CTNNA3: variants seen among roughly 807,000 people sequenced by gnomAD.
CTNNA3 encodes the protein catenin alpha 3, also known as catenin alpha-3.
A neutral mutation model predicts 95.7 loss-of-function variants in CTNNA3; 76 were observed. The observed-to-expected ratio is 0.79, with a 90% CI of 0.66 to 0.96. The LOEUF is 0.96. Among genes scored for constraint, CTNNA3 ranks in the 40% least tolerant of loss-of-function variants. CTNNA3 has a pLI of 0.00. For synonymous variants in CTNNA3, 431 were observed against 374.4 expected, an observed-to-expected ratio of 1.15 and a Z score of -1.74; for missense variants, 1,191 against 1,089.8, an observed-to-expected ratio of 1.09 and a Z score of -1.31.
At chr10:66,763,195 A>G (rs965043995) in intron 9 of CTNNA3, among the ~76,000 whole-genome samples, 1 of 152,004 alleles carries the variant, frequency 6.6e-6, no homozygotes, top group African/African-American at 2.4e-5. Flanking sequence ...TTGTGTCTCA[A>G]TGTTTGTAGT....
intron 11 of CTNNA3, among the ~76,000 whole-genome samples, chr10:66,415,189 T>C (rs1216310077): frequency 6.6e-6 from 1 of 152,094 alleles, no homozygotes; most frequent in Non-Finnish European, 1.5e-5. Context: ...GGCCTGAAGA[T>C]AAGCCAGCCT....
intron 7 of CTNNA3, among the ~76,000 whole-genome samples, chr10:66,991,588 G>A (rs968153795): frequency 1.3e-5 from 2 of 152,116 alleles, no homozygotes; most frequent in Admixed American, 6.5e-5. Context: ...TTTCGCTCTT[G>A]TTGCCCAGGC....
chr10:66,919,097 T>C (rs1564766072), intron 7 of CTNNA3, among the ~76,000 whole-genome samples: 1 of 139,526 alleles, frequency 7.2e-6, no homozygotes. Context: ...ATCGTGCCAC[T>C]GAACTCCAGC....
intron 5 of CTNNA3, among the ~76,000 whole-genome samples, chr10:67,500,242 G>C (rs1309233133): frequency 1.3e-5 from 2 of 152,082 alleles, no homozygotes; most frequent in African/African-American, 2.4e-5. Context: ...TTGTGCAGTT[G>C]AGTGAATCTC....
chr10:66,721,017 T>G (rs756612208), intron 9 of CTNNA3, among the ~76,000 whole-genome samples: 1 of 152,084 alleles, frequency 6.6e-6, no homozygotes, highest in Non-Finnish European at 1.5e-5. Flanking sequence ...CACAAATATT[T>G]TTATTTAATT....
intron 7 of CTNNA3, among the ~76,000 whole-genome samples, chr10:66,954,164 T>C (rs191006322): frequency 8.5e-4 from 130 of 152,284 alleles, no homozygotes; most frequent in Non-Finnish European, 1.5e-3. Context: ...TAAAATAAAG[T>C]TTCTAGTATG....
At chr10:66,920,277 T>A (rs968885288) in intron 7 of CTNNA3, among the ~76,000 whole-genome samples, 2 of 152,194 alleles carry the variant, frequency 1.3e-5, no homozygotes, top group African/African-American at 4.8e-5. Context: ...AGTTTATAAG[T>A]CAGGTTTTAT....
At chr10:66,722,138 G>A (rs12243479) in intron 9 of CTNNA3, among the ~76,000 whole-genome samples, 14 of 152,260 alleles carry the variant, frequency 9.2e-5, no homozygotes, top group African/African-American at 3.4e-4. Flanking sequence ...CAGCACTTTG[G>A]GAGGCTGAGG....
At chr10:66,409,007 T>C (rs2093079148) in intron 11 of CTNNA3, among the ~76,000 whole-genome samples, 1 of 152,272 alleles carries the variant, frequency 6.6e-6, no homozygotes, top group Admixed American at 6.5e-5. Context: ...AGGTACAGTA[T>C]ACCAAAACAA....
intron 16 of CTNNA3, among the ~76,000 whole-genome samples, chr10:65,968,474 ACT>A (rs756987873): frequency 1.3e-5 from 2 of 152,020 alleles, no homozygotes; most frequent in African/African-American, 4.8e-5. Flanking sequence ...GTGCATCAGG[ACT>A]CTCTTTGCTC....
At chr10:67,736,349 G>C (rs995691515) in intron 1 of CTNNA3, among the ~76,000 whole-genome samples, 4 of 152,030 alleles carry the variant, frequency 2.6e-5, no homozygotes, top group African/African-American at 9.7e-5. Flanking sequence ...GAAATGGGTA[G>C]TGGTGATGGT....
chr10:66,100,547 C>G (rs1048433662), intron 14 of CTNNA3, among the ~76,000 whole-genome samples: 1 of 152,090 alleles, frequency 6.6e-6, no homozygotes, highest in Admixed American at 6.6e-5. Flanking sequence ...AGCGGCATTC[C>G]GAATGAACTG....
At chr10:66,190,461 T>C (rs1419324475) in intron 13 of CTNNA3, among the ~76,000 whole-genome samples, 1 of 152,162 alleles carries the variant, frequency 6.6e-6, no homozygotes, top group Non-Finnish European at 1.5e-5. Flanking sequence ...GCCATTGACA[T>C]CAGTCTGGAA....
At chr10:66,057,726 T>C (rs1386702553) in intron 15 of CTNNA3, among the ~76,000 whole-genome samples, 1 of 152,142 alleles carries the variant, frequency 6.6e-6, no homozygotes, top group Admixed American at 6.6e-5. Context: ...AAGTAAGCCA[T>C]CATTCTGGAG....
intron 1 of CTNNA3, among the ~76,000 whole-genome samples, chr10:67,727,916 TTA>T (rs1841249968): frequency 9.0e-6 from 1 of 111,196 alleles, no homozygotes; most frequent in Non-Finnish European, 1.7e-5. Flanking sequence ...ATTATGTATA[TTA>T]TATATTACAT....
intron 6 of CTNNA3, among the ~76,000 whole-genome samples, chr10:67,200,747 G>C (rs1475294774): frequency 6.6e-6 from 1 of 152,094 alleles, no homozygotes; most frequent in African/African-American, 2.4e-5. Flanking sequence ...AGACAGTCAC[G>C]CATGCACTTT....
chr10:66,542,802 G>A (rs540083373), intron 10 of CTNNA3, among the ~76,000 whole-genome samples: 39 of 151,586 alleles, frequency 2.6e-4, no homozygotes, highest in African/African-American at 8.7e-4. Context: ...ATGAGTTAAT[G>A]GGTGCAGCAC....
At chr10:66,116,663 A>G (rs2082353259) in intron 13 of CTNNA3, among the ~76,000 whole-genome samples, 1 of 152,200 alleles carries the variant, frequency 6.6e-6, no homozygotes, top group South Asian at 2.1e-4. Context: ...TCACACTGCT[A>G]TGAAGAACTA....
chr10:67,727,666 A>G (rs1042886313), intron 1 of CTNNA3, among the ~76,000 whole-genome samples: 13 of 128,004 alleles, frequency 1.0e-4, no homozygotes, highest in Admixed American at 5.5e-4. Context: ...TATGATATAT[A>G]ATATAATATA....
Sources: allele counts gnomAD v4.1 joint callset (sites outside exome capture counted in the v4.1 genomes callset), GRCh38; gene constraint gnomAD v4.1.1; transcripts MANE v1.5; gene names NCBI Gene and HGNC (gene_info 2026-07-23, HGNC 2026-07-21).